The following TTC21A variants were observed in gnomAD, a reference collection of about 807,000 sequenced individuals.
TTC21A encodes the protein tetratricopeptide repeat protein 21A.
A neutral mutation model predicts 156.4 loss-of-function variants in TTC21A; 128 were observed. The ratio of observed to expected loss-of-function variants is 0.82; its 90% CI spans 0.71 to 0.95. The LOEUF (loss-of-function observed/expected upper bound fraction) is 0.95. Ranked by LOEUF, TTC21A falls within the 40% of genes least tolerant of loss-of-function variation. The probability of loss-of-function intolerance (pLI) is 0.00; values close to 1 mark genes in which losing one functional copy is unlikely to be tolerated. For missense variants in TTC21A, 1,435 were observed against 1,602.3 expected, an observed-to-expected ratio of 0.90 and a Z score of 1.78; for synonymous variants, 587 against 617.1, an observed-to-expected ratio of 0.95 and a Z score of 0.72.
chr3:39,118,217 C>T, intron 7 of TTC21A, 64 bp downstream of exon 7: 1 of 1,505,830 alleles, frequency 6.6e-7, no homozygotes, highest in Non-Finnish European at 9.2e-7. Context: ...CCCTTCATGA[C>T]CTGTGCACCT....
At chr3:39,112,177 C>G (rs1341104730) in intron 4 of TTC21A, among the ~76,000 whole-genome samples, 2 of 152,130 alleles carry the variant, frequency 1.3e-5, no homozygotes, top group Non-Finnish European at 2.9e-5. Flanking sequence ...GGGAGGGAGG[C>G]CTCCTAAGCA....
In TTC21A at chr3:39,110,090, G is replaced by T. The variant is rs548447458; in HGVS notation, c.219G>T (p.Leu73=). Residue 73 remains leucine (L), a synonymous_variant, in exon 3 of 29, where the codon CTG becomes CTT. Transcript: ENST00000683103. ...TCAGGCATCACCCAGACGTGTCCCT[G>T]TGCTCCACCATGGCCCTCATTTATG... is the stretch of plus-strand genomic sequence containing the variant. ...ESIRHHPDVS[L]CSTMALIYAH... The T allele has an allele frequency of 5.6e-6, 9 of 1,614,132 alleles. No homozygotes were observed. The South Asian group carries it at 7.7e-5, about 14-fold the overall frequency.
At position 39,130,692 on chromosome 3, in the gene TTC21A, T is replaced by C. The variant is rs979965702; in HGVS notation, c.2320-9T>C. The C allele has an allele frequency of 5.0e-6, 8 of 1,613,962 alleles. No homozygotes were observed. In the African/African-American group the frequency reaches 1.1e-4, roughly 22 times the overall value. ...AGGCCAGAGGCTAATATTTACTGTT[T>C]GCACTAAGGCAATTGAGTATTATGA... On this transcript the variant is annotated splice_polypyrimidine_tract_variant and intron_variant, in intron 17 of 28. Coordinates refer to ENST00000683103, the MANE Select transcript of TTC21A (RefSeq NM_001366900.1). This position sits in a 1 kb window ranked among gnomAD's most constrained non-coding sequence, Gnocchi z 4.5.
At chr3:39,116,482 C>CCG in intron 6 of TTC21A, among the ~76,000 whole-genome samples, 1 of 151,124 alleles carries the variant, frequency 6.6e-6, no homozygotes, top group Admixed American at 6.6e-5. Flanking sequence ...TTCTGCCCCC[C>CCG]CCTTTTTTTG....
At position 39,138,765 on chromosome 3, in the gene TTC21A, G is replaced by A; in HGVS notation, c.3919G>A (p.Ala1307Thr). 6.2e-7 allele frequency: 1 copy of A among 1,614,064 alleles called. No individual in the cohort carries two copies. The highest frequency in any genetic ancestry group is 8.5e-7 in the Non-Finnish European group (1 of 1,179,964). ...GATCAGGGAGGAAATTTTGGAAAAG[G>A]CCCGAAGGTCCCTGAGGCCCTAGCT... ...PKIREEILEK[A>T]RRSLRP The change falls in exon 29 of 29, where the codon GCC (alanine) becomes ACC (threonine). Residue 1307 changes from alanine to threonine, a missense_variant. Physicochemically the swap from Ala to Thr is moderately conservative, Grantham distance 58 (BLOSUM62 0). Coordinates refer to ENST00000683103, the MANE Select transcript of TTC21A (RefSeq NM_001366900.1).
chr3:39,129,342 C>A (rs2038543929), intron 15 of TTC21A, 32 bp downstream of exon 15: 1 of 1,498,124 alleles, frequency 6.7e-7, no homozygotes, highest in Non-Finnish European at 9.3e-7. Flanking sequence ...ATGACAGCTT[C>A]TTCTCCAATG....
intron 23 of TTC21A, 174 bp downstream of exon 23, chr3:39,136,681 C>CCTCCATCCAGAGG: frequency 9.9e-7 from 1 of 1,008,672 alleles, no homozygotes; most frequent in Non-Finnish European, 1.4e-6. Flanking sequence ...TCAGGGAGAG[C>CCTCCATCCAGAGG]CTGCAGCCTC....
rs747355535 is a variant in TTC21A at position 39,128,724 on chromosome 3, A to T, written c.1688A>T (p.Asp563Val). ...LGVSHNFQVR[D>V]HPLYHLIKAR... ...CTGCTGTGCTCCTCCTAGGTCCGAG[A>T]TCACCCCCTCTACCACCTCATCAAG... The change falls in exon 14 of 29, where the codon GAT becomes GTT. Residue 563 changes from aspartate to valine, a missense_variant. Transcript: ENST00000683103. The T allele has an allele frequency of 6.2e-7, 1 of 1,614,012 alleles. No homozygotes were observed. Among genetic ancestry groups the T allele is most frequent in the Non-Finnish European group, 8.5e-7 (1 of 1,179,990 alleles).
chr3:39,118,303 G>A (rs1472559887), intron 7 of TTC21A, 150 bp downstream of exon 7: 4 of 729,970 alleles, frequency 5.5e-6, no homozygotes, highest in Non-Finnish European at 9.5e-6. Context: ...CGCTGCCAAG[G>A]AGGCCTGCTC....
At chr3:39,112,208 G>A (rs926459418) in intron 4 of TTC21A, among the ~76,000 whole-genome samples, 1 of 152,210 alleles carries the variant, frequency 6.6e-6, no homozygotes, top group Non-Finnish European at 1.5e-5. Context: ...AGGCTGAGTT[G>A]TAAGTAGTGG....
At chr3:39,135,010 C>T in intron 21 of TTC21A, 83 bp from the exon 22 acceptor site, 4 of 1,179,088 alleles carry the variant, frequency 3.4e-6, no homozygotes, top group South Asian at 1.2e-5. Context: ...TTACCACCAT[C>T]ACCCCCATAC....
chr3:39,127,672 C>T (rs761595862), intron 12 of TTC21A, among the ~76,000 whole-genome samples: 1 of 152,216 alleles, frequency 6.6e-6, no homozygotes, highest in South Asian at 2.1e-4. Context: ...TCACACCCAA[C>T]CCCTAGGCTG....
At chr3:39,108,223 T>C (rs1246601568) in intron 1 of TTC21A, 14 of 425,186 alleles carry the variant, frequency 3.3e-5, no homozygotes, top group Non-Finnish European at 5.9e-5. Flanking sequence ...ACCTCTTCCC[T>C]ATACTCATCT....
Position 39,126,062 on chromosome 3 carries a change from G to A in TTC21A, c.1393-199G>A, listed in dbSNP as rs535774505. On this transcript the variant is annotated intron_variant, in intron 11 of 28. Coordinates refer to ENST00000683103, the MANE Select transcript of TTC21A (RefSeq NM_001366900.1). ...TTACTACATGCCAGATACCATTCTC[G>A]GTACTGGGGACACAACAGTGAACAA... Among the ~76,000 whole-genome samples, 9 of 152,218 alleles carry A rather than the reference G, an allele frequency of 5.9e-5. No homozygotes were observed. In the East Asian group the frequency reaches 7.7e-4, roughly 13 times the overall value.
At chr3:39,113,220 G>A (rs2036983289) in intron 5 of TTC21A, among the ~76,000 whole-genome samples, 1 of 152,204 alleles carries the variant, frequency 6.6e-6, no homozygotes, top group African/African-American at 2.4e-5. Flanking sequence ...ACAAATGTTA[G>A]TATTTTAGGG....
chr3:39,117,822 C>T (rs1279931936), intron 6 of TTC21A, among the ~76,000 whole-genome samples: 1 of 152,176 alleles, frequency 6.6e-6, no homozygotes, highest in Non-Finnish European at 1.5e-5. Context: ...CACAACTGGA[C>T]AGCACACCCC....
In TTC21A at chr3:39,130,741, A is replaced by G; in HGVS notation, c.2360A>G (p.Gln787Arg). The change falls in exon 18 of 29, where the codon CAG becomes CGG. Residue 787 changes from glutamine (Q) to arginine (R), a missense_variant. By Grantham distance (43) the Gln-to-Arg change is conservative (BLOSUM62 1). Transcript: ENST00000683103. The surrounding 1 kb of genome is among the most constrained non-coding windows in gnomAD (Gnocchi z 4.5). The part of the protein sequence containing the change: ...YYEAAQKING[Q>R]DFLCCDLGKL... The stretch of plus-strand genomic sequence containing the variant: ...GAGGCTGCCCAGAAGATTAATGGAC[A>G]GGACTTTCTGTGCTGCGATCTGGGC... 6.2e-7 allele frequency: 1 copy of G among 1,614,254 alleles called. No individual in the cohort carries two copies. The highest frequency in any genetic ancestry group is 8.5e-7 in the Non-Finnish European group (1 of 1,180,048).
At position 39,128,949 on chromosome 3, in the gene TTC21A, T is replaced by C. The variant is rs992280584; in HGVS notation, c.1896+17T>C. 1 of 1,613,788 alleles carries C rather than the reference T, an allele frequency of 6.2e-7. No homozygotes were observed. Among genetic ancestry groups the C allele is most frequent in the Non-Finnish European group, 8.5e-7 (1 of 1,179,724 alleles). On this transcript the variant is annotated intron_variant, in intron 14 of 28. Coordinates refer to ENST00000683103, the MANE Select transcript of TTC21A (RefSeq NM_001366900.1). ...GGGGAGCTAGTAAGAAATGCCGTGC[T>C]CTCTTCCCTGGGGACTGGGGCACAC...
At position 39,137,181 on chromosome 3, in the gene TTC21A, T is replaced by A. The variant is rs781722036; in HGVS notation, c.3258-14T>A. The stretch of plus-strand genomic sequence containing the variant: ...CACCGGCCTGTGTCTGATACCCAGG[T>A]CTAACACCTGCAGCTACATGGAGAA... On this transcript the variant is annotated splice_polypyrimidine_tract_variant and intron_variant, in intron 24 of 28. Coordinates refer to ENST00000683103, the MANE Select transcript of TTC21A (RefSeq NM_001366900.1). The A allele has an allele frequency of 1.9e-6, 3 of 1,609,276 alleles. No homozygotes were observed. The highest frequency in any genetic ancestry group is 2.5e-6 in the Non-Finnish European group (3 of 1,176,752).
Sources: gnomAD v4.1 joint callset for allele counts (sites outside exome capture counted in the v4.1 genomes callset) on GRCh38, gnomAD v4.1.1 for gene constraint, Gnocchi (gnomAD v3.1) non-coding constraint, MANE v1.5 for transcripts, NCBI Gene and HGNC (gene_info 2026-07-23, HGNC 2026-07-21) for gene names.